The following UROS variants were observed in gnomAD, a reference collection of about 807,000 sequenced individuals.
UROS encodes the protein uroporphyrinogen-III synthase.
A neutral mutation model predicts 33.0 loss-of-function variants in UROS; 18 were observed. The observed-to-expected ratio is 0.55, with a 90% confidence interval of 0.38 to 0.81. The LOEUF (loss-of-function observed/expected upper bound fraction) is 0.81, where lower values mean the gene tolerates loss of function less well. UROS is among the 30% of genes least tolerant of loss of function. The pLI, the probability that UROS is intolerant of heterozygous loss-of-function variation, is 0.00. For synonymous variants in UROS, 114 were observed against 121.1 expected (o/e 0.94, Z 0.38); for missense variants, 293 against 314.9 (o/e 0.93, Z 0.53).
chr10:125,815,191 G>C (rs1334422832), intron 3 of UROS, 61 bp from the exon 4 acceptor site: 7 of 1,573,036 alleles, frequency 4.4e-6, no homozygotes, highest in Non-Finnish European at 6.1e-6. Context: ...ATCTTCCAAG[G>C]AGCTAAGACT....
At chr10:125,811,191 G>T (rs552164588) in intron 5 of UROS, among the ~76,000 whole-genome samples, 1 of 152,218 alleles carries the variant, frequency 6.6e-6, no homozygotes, top group African/African-American at 2.4e-5. Flanking sequence ...GGGATGTGAT[G>T]CTCAAAATGT....
At chr10:125,800,644 C>T (rs61472053) in intron 6 of UROS, among the ~76,000 whole-genome samples, 1 of 151,932 alleles carries the variant, frequency 6.6e-6, no homozygotes, top group East Asian at 1.9e-4. Context: ...TCACTACAAC[C>T]TCTGCCTCCT....
intron 4 of UROS, among the ~76,000 whole-genome samples, chr10:125,813,124 G>C (rs1252125359): frequency 6.6e-6 from 1 of 152,142 alleles, no homozygotes; most frequent in Non-Finnish European, 1.5e-5. Context: ...GTTATCCATA[G>C]CATGTAAACA....
At chr10:125,811,762 A>C (rs944145819) in intron 5 of UROS, among the ~76,000 whole-genome samples, 12 of 151,932 alleles carry the variant, frequency 7.9e-5, no homozygotes, top group Admixed American at 6.6e-4. Context: ...AAGAAGAATA[A>C]ATAGACTCAA....
chr10:125,788,673 G>GGGTTTA lies in UROS; in HGVS notation c.*194_*195insTAAACC. The stretch of plus-strand genomic sequence containing the variant: ...GCTAGGGTTTAAGCTGGCTTCCACA[G>GGGTTTA]AGGGCAGTCACGTGCACGTGGGCCT... On this transcript the variant is annotated 3_prime_UTR_variant, in exon 10 of 10. Coordinates refer to ENST00000368797, the MANE Select transcript of UROS (RefSeq NM_000375.3). 7.0e-7 allele frequency: 1 copy of GGGTTTA among 1,428,228 alleles called. No homozygotes were observed. Among genetic ancestry groups the GGGTTTA allele is most frequent in the African/African-American group, 1.4e-5 (1 of 69,704 alleles). The allele number at this position is 1,428,228 out of a possible 1,614,324, so 88.5% of individuals were successfully genotyped here.
At chr10:125,810,169 C>A (rs539866553) in intron 5 of UROS, among the ~76,000 whole-genome samples, 5 of 152,150 alleles carry the variant, frequency 3.3e-5, no homozygotes, top group Non-Finnish European at 5.9e-5. Context: ...GATCCATGCC[C>A]CTGTGTCATC....
At chr10:125,799,229 T>A (rs950230922) in intron 6 of UROS, among the ~76,000 whole-genome samples, 1 of 152,196 alleles carries the variant, frequency 6.6e-6, no homozygotes, top group Admixed American at 6.5e-5. Flanking sequence ...TCTGTAAATA[T>A]CTGTACCAAC....
intron 1 of UROS, among the ~76,000 whole-genome samples, chr10:125,819,224 C>T (rs768999987): frequency 2.0e-4 from 31 of 152,252 alleles, no homozygotes; most frequent in Non-Finnish European, 2.9e-4. Context: ...CCTCGTGATC[C>T]GGCTGCCTTG....
intron 4 of UROS, among the ~76,000 whole-genome samples, chr10:125,814,115 C>A (rs1426228851): frequency 6.6e-6 from 1 of 152,184 alleles, no homozygotes; most frequent in Non-Finnish European, 1.5e-5. Flanking sequence ...AAAAAGTATT[C>A]AGGACAGAGT....
intron 1 of UROS, among the ~76,000 whole-genome samples, chr10:125,818,023 C>T (rs1376266602): frequency 6.6e-6 from 1 of 152,084 alleles, no homozygotes; most frequent in African/African-American, 2.4e-5. Flanking sequence ...GTAATAAAAC[C>T]GATGCTGGCA....
intron 1 of UROS, among the ~76,000 whole-genome samples, chr10:125,818,051 GATA>G (rs1853506615): frequency 6.6e-6 from 1 of 152,142 alleles, no homozygotes; most frequent in Admixed American, 6.6e-5. Context: ...TAGGCTTCTG[GATA>G]ATAAAGAGCT....
chr10:125,812,822 A>T (rs1852929500), intron 4 of UROS, among the ~76,000 whole-genome samples: 1 of 152,254 alleles, frequency 6.6e-6, no homozygotes, highest in African/African-American at 2.4e-5. Flanking sequence ...TTGATACAGA[A>T]TATTATCATT....
chr10:125,787,317 C>T (rs2133793488), downstream of UROS, among the ~76,000 whole-genome samples: 1 of 152,026 alleles, frequency 6.6e-6, no homozygotes, highest in Non-Finnish European at 1.5e-5. Flanking sequence ...CCCACACATC[C>T]CTCCCGCTCT....
chr10:125,818,295 C>G (rs1853535578), intron 1 of UROS, among the ~76,000 whole-genome samples: 1 of 152,040 alleles, frequency 6.6e-6, no homozygotes, highest in South Asian at 2.1e-4. Flanking sequence ...TCAGCCTGGA[C>G]AACATAGCGA....
intron 4 of UROS, among the ~76,000 whole-genome samples, chr10:125,814,529 A>G (rs991754395): frequency 6.6e-5 from 10 of 152,254 alleles, no homozygotes; most frequent in African/African-American, 2.4e-4. Context: ...CAGGCACTCC[A>G]TAATTGTTAG....
intron 9 of UROS, 89 bp downstream of exon 9, chr10:125,794,791 A>G (rs1233764538): frequency 7.8e-7 from 1 of 1,289,324 alleles, no homozygotes. Flanking sequence ...GGGGTGTCTC[A>G]CTTGACATTG....
rs527699551 is a variant in UROS, at chr10:125,796,775, A to C, written c.476-587T>G. On this transcript the variant is annotated intron_variant, in intron 7 of 9. Coordinates refer to ENST00000368797, the MANE Select transcript of UROS (RefSeq NM_000375.3). Reference sequence around the variant, plus strand: ...CAGGGCTGGTGATGAGGCGCTAGGCACTGAAGGGACTCACGCAATTTCAGT... The same window carrying C: ...CAGGGCTGGTGATGAGGCGCTAGGCCCTGAAGGGACTCACGCAATTTCAGT... The C allele has an allele frequency of 1.4e-4, 133 of 985,120 alleles. No individual in the cohort carries two copies. The East Asian group carries it at 0.011, about 81-fold the overall frequency. 61.0% of individuals were successfully genotyped at this position (985,120 alleles called of 1,614,324 possible). A position where few individuals can be genotyped will look rare whatever the true frequency, so the allele number is the denominator to read the frequency against.
chr10:125,819,489 A>C (rs903261121), intron 1 of UROS, among the ~76,000 whole-genome samples: 3 of 152,074 alleles, frequency 2.0e-5, no homozygotes, highest in Admixed American at 6.6e-5. Context: ...TGCTGGAGGC[A>C]TCTGATCCCT....
At chr10:125,802,545 G>A (rs1249040869) in intron 6 of UROS, 1 of 1,002,216 alleles carries the variant, frequency 1.0e-6, no homozygotes, top group East Asian at 1.0e-4. Flanking sequence ...TGCATGGAGA[G>A]GCCTCTTCCG....
Sources: allele counts gnomAD v4.1 joint callset (sites outside exome capture counted in the v4.1 genomes callset), GRCh38; gene constraint gnomAD v4.1.1; transcripts MANE v1.5; gene names NCBI Gene and HGNC (gene_info 2026-07-23, HGNC 2026-07-21).